WNT3A: variants seen among roughly 807,000 people sequenced by gnomAD.
WNT3A encodes the protein protein Wnt-3a.
Under a neutral mutation model 37.0 loss-of-function variants are expected in WNT3A, and 17 were observed. The observed-to-expected ratio is 0.46, with a 90% CI of 0.31 to 0.69. WNT3A has a LOEUF of 0.69. Ranked by LOEUF, WNT3A falls within the 30% of genes least tolerant of loss-of-function variation. The pLI is 0.05. For synonymous variants in WNT3A, 187 were observed against 211.0 expected (o/e 0.89, Z 0.99); for missense variants, 411 against 510.2 (o/e 0.81, Z 1.87).
rs79870256 is a variant in WNT3A, at chr1:228,045,407, T to C, written c.314-5249T>C. On this transcript the variant is annotated intron_variant, in intron 2 of 3. Coordinates refer to ENST00000284523, the MANE Select transcript of WNT3A (RefSeq NM_033131.4). ...GGAGGGCAGGTGGAGCTGTGTGCCA[T>C]GCGTGAGCTCCAGGAGCACCCAGGA... is the stretch of plus-strand genomic sequence containing the variant. Among the ~76,000 whole-genome samples the C allele has an allele frequency of 7.2e-5, 11 of 152,224 alleles. No homozygotes were observed. The East Asian group carries it at 2.1e-3, about 29-fold the overall frequency.
In WNT3A at chr1:228,037,703, C is replaced by G. The variant is rs2102772220; in HGVS notation, c.314-12953C>G. ...GGCTCCCCTGGCTCCAGCGGCCTCT[C>G]TGGTATATCATTAACTCTCCCCAGT... On this transcript the variant is annotated intron_variant, in intron 2 of 3. Transcript: ENST00000284523. The surrounding 1 kb of genome is among the most constrained non-coding windows in gnomAD (Gnocchi z 4.1). Among the ~76,000 whole-genome samples the G allele has an allele frequency of 6.6e-6, 1 of 152,336 alleles. No individual in the cohort carries two copies. Among genetic ancestry groups the G allele is most frequent in the South Asian group, 2.1e-4 (1 of 4,834 alleles).
At chr1:228,045,095 G>A (rs570897930) in intron 2 of WNT3A, among the ~76,000 whole-genome samples, 21 of 152,352 alleles carry the variant, frequency 1.4e-4, no homozygotes, top group Admixed American at 3.3e-4. Context: ...AGCACCACCC[G>A]CCCTTGCCCT....
intron 1 of WNT3A, among the ~76,000 whole-genome samples, chr1:228,010,126 C>T (rs1361743351): frequency 6.6e-6 from 1 of 152,248 alleles, no homozygotes; most frequent in African/African-American, 2.4e-5. Context: ...TTCTCAGGAA[C>T]AAGAATTCTT....
At position 228,038,560 on chromosome 1, in the gene WNT3A, C is replaced by T. The variant is rs965187623; in HGVS notation, c.314-12096C>T. Among the ~76,000 whole-genome samples, 23 of 152,168 alleles carry T rather than the reference C, an allele frequency of 1.5e-4. No homozygotes were observed. Among genetic ancestry groups the T allele is most frequent in the African/African-American group, 5.5e-4 (23 of 41,444 alleles). On this transcript the variant is annotated intron_variant, in intron 2 of 3. Coordinates refer to ENST00000284523, the MANE Select transcript of WNT3A (RefSeq NM_033131.4). This position sits in a 1 kb window ranked among gnomAD's most constrained non-coding sequence, Gnocchi z 5.7. ...TGGTCCTAGCTGGGATCCAAGGCACCCCCCTCACTCAGCCAGCCCCTTCCA... is the reference window on the plus strand; with the variant it reads ...TGGTCCTAGCTGGGATCCAAGGCACTCCCCTCACTCAGCCAGCCCCTTCCA...
rs186312454 is a variant in WNT3A at position 228,034,008 on chromosome 1, T to A, written c.313+11100T>A. On this transcript the variant is annotated intron_variant, in intron 2 of 3. Coordinates refer to ENST00000284523, the MANE Select transcript of WNT3A (RefSeq NM_033131.4). ...CAGGTGCAGTGGCTTATGCCTGTAATCCCAGCACTTTGGGAGGCCAAGACA... is the reference window on the plus strand; with the variant it reads ...CAGGTGCAGTGGCTTATGCCTGTAAACCCAGCACTTTGGGAGGCCAAGACA... 1.8e-4 allele frequency among the ~76,000 whole-genome samples: 27 copies of A among 152,316 alleles called. No homozygotes were observed. In the East Asian group the frequency reaches 4.6e-3, roughly 26 times the overall value.
At chr1:228,010,274 G>A (rs575150223) in intron 1 of WNT3A, among the ~76,000 whole-genome samples, 77 of 152,286 alleles carry the variant, frequency 5.1e-4, no homozygotes, top group Middle Eastern at 3.4e-3. Context: ...CTGGGTTAAC[G>A]GAATCTTGTC....
chr1:228,038,642 A>G lies in WNT3A; in HGVS notation c.314-12014A>G, dbSNP rs1442568230. 2.0e-5 allele frequency among the ~76,000 whole-genome samples: 3 copies of G among 152,090 alleles called. No homozygotes were observed. The highest frequency in any genetic ancestry group is 6.5e-5 in the Admixed American group (1 of 15,284). On this transcript the variant is annotated intron_variant, in intron 2 of 3. Transcript: ENST00000284523. The surrounding 1 kb of genome is among the most constrained non-coding windows in gnomAD (Gnocchi z 5.7). ...GGCAGCACCAGGAGGGAGGGACCCA[A>G]TGCATTCGGGGTGGCCACTGTCCCC...
intron 1 of WNT3A, among the ~76,000 whole-genome samples, chr1:228,020,152 G>A (rs867338527): frequency 2.0e-5 from 3 of 152,214 alleles, no homozygotes; most frequent in African/African-American, 7.2e-5. Flanking sequence ...TGAGCCAAGA[G>A]GGGGAGGTTG....
At chr1:228,018,973 A>G (rs930679531) in intron 1 of WNT3A, among the ~76,000 whole-genome samples, 1 of 152,182 alleles carries the variant, frequency 6.6e-6, no homozygotes, top group East Asian at 1.9e-4. Context: ...CCTGACCCCA[A>G]ATCCACAAGG....
chr1:228,033,228 C>T (rs1466240396), intron 2 of WNT3A, among the ~76,000 whole-genome samples: 1 of 152,074 alleles, frequency 6.6e-6, no homozygotes, highest in Non-Finnish European at 1.5e-5. Context: ...GCTTTTGATG[C>T]CATATCTAAG....
chr1:228,009,056 G>A (rs2030292765), intron 1 of WNT3A, among the ~76,000 whole-genome samples: 1 of 152,106 alleles, frequency 6.6e-6, no homozygotes, highest in African/African-American at 2.4e-5. Context: ...ACAGGGAAGC[G>A]GGGCATAGAA....
At chr1:228,026,964 T>C (rs923965229) in intron 2 of WNT3A, among the ~76,000 whole-genome samples, 5 of 152,206 alleles carry the variant, frequency 3.3e-5, no homozygotes, top group Non-Finnish European at 7.3e-5. Flanking sequence ...TGCCTCAGCC[T>C]CCCGAGTAGC....
intron 1 of WNT3A, among the ~76,000 whole-genome samples, chr1:228,011,892 T>C (rs2030382703): frequency 6.6e-6 from 1 of 152,182 alleles, no homozygotes; most frequent in Non-Finnish European, 1.5e-5. Flanking sequence ...CAACCAGACA[T>C]TGGCCCTGCA....
rs994358905 is a variant in WNT3A, at chr1:228,032,405, C to T, written c.313+9497C>T. Among the ~76,000 whole-genome samples, 7 of 152,322 alleles carry T rather than the reference C, an allele frequency of 4.6e-5. No individual in the cohort carries two copies. The East Asian group carries it at 5.8e-4, about 13-fold the overall frequency. Reference sequence around the variant, plus strand: ...CCAGCTGAATGCAAAGCCCCAAAGTCGGTGAATAGCACTGGGTCCTAAACC... The same window carrying T: ...CCAGCTGAATGCAAAGCCCCAAAGTTGGTGAATAGCACTGGGTCCTAAACC... On this transcript the variant is annotated intron_variant, in intron 2 of 3. Transcript: ENST00000284523.
At chr1:228,009,997 G>A (rs2030323196) in intron 1 of WNT3A, among the ~76,000 whole-genome samples, 1 of 152,208 alleles carries the variant, frequency 6.6e-6, no homozygotes, top group African/African-American at 2.4e-5. Flanking sequence ...CAGTGACAGA[G>A]AGGAGACAGG....
intron 2 of WNT3A, among the ~76,000 whole-genome samples, chr1:228,041,467 A>T (rs896675636): frequency 6.6e-6 from 1 of 151,110 alleles, no homozygotes; most frequent in Non-Finnish European, 1.5e-5. Flanking sequence ...CCATCAATCT[A>T]TCCATCTGTC....
chr1:228,024,009 T>C lies in WNT3A; in HGVS notation c.313+1101T>C, dbSNP rs182536934. 2.6e-5 allele frequency among the ~76,000 whole-genome samples: 4 copies of C among 152,368 alleles called. No individual in the cohort carries two copies. In the East Asian group the frequency reaches 7.7e-4, roughly 29 times the overall value. On this transcript the variant is annotated intron_variant, in intron 2 of 3. Coordinates refer to ENST00000284523, the MANE Select transcript of WNT3A (RefSeq NM_033131.4). The stretch of plus-strand genomic sequence containing the variant: ...TCATTCCTGTTCATGGGCTGAATAA[T>C]ATTCCATTGCATGGATGGAGCACAC...
Position 228,059,471 on chromosome 1 carries a change from G to A in WNT3A, c.*6G>A. 1 of 1,500,014 alleles carries A rather than the reference G, an allele frequency of 6.7e-7. No homozygotes were observed. Among genetic ancestry groups the A allele is most frequent in the Non-Finnish European group, 8.8e-7 (1 of 1,131,270 alleles). 92.9% of individuals were successfully genotyped at this position (1,500,014 alleles called of 1,614,324 possible). On this transcript the variant is annotated 3_prime_UTR_variant, in exon 4 of 4. Coordinates refer to ENST00000284523, the MANE Select transcript of WNT3A (RefSeq NM_033131.4). ...ACGTGCACACCTGCAAGTAGGCACCGGCCGCGGCTCCCCCTGGACGGGGCG... is the reference window on the plus strand; with the variant it reads ...ACGTGCACACCTGCAAGTAGGCACCAGCCGCGGCTCCCCCTGGACGGGGCG...
At chr1:228,014,044 C>T (rs551380655) in intron 1 of WNT3A, among the ~76,000 whole-genome samples, 1 of 152,176 alleles carries the variant, frequency 6.6e-6, no homozygotes, top group South Asian at 2.1e-4. Flanking sequence ...TCCCAGGAGG[C>T]GACCAGCTGG....
Sources: gnomAD v4.1 joint callset for allele counts (sites outside exome capture counted in the v4.1 genomes callset) on GRCh38, gnomAD v4.1.1 for gene constraint, Gnocchi (gnomAD v3.1) non-coding constraint, MANE v1.5 for transcripts, NCBI Gene and HGNC (gene_info 2026-07-23, HGNC 2026-07-21) for gene names.